TAB2: variants seen among roughly 807,000 people sequenced by gnomAD.
The protein encoded by TAB2 is TGF-beta activated kinase 1 (MAP3K7) binding protein 2.
TAB2 carries 3 observed loss-of-function variants against 65.0 expected under a neutral mutation model. The observed-to-expected ratio is 0.05, with a 90% confidence interval of 0.02 to 0.12. The LOEUF is 0.12. Ranked by LOEUF, TAB2 falls within the 10% of genes least tolerant of loss-of-function variation. The pLI is 1.00. For missense variants in TAB2, 623 were observed against 840.3 expected, an observed-to-expected ratio of 0.74 and a Z score of 3.20; for synonymous variants, 298 against 285.1, an observed-to-expected ratio of 1.05 and a Z score of -0.46.
At chr6:149,312,881 C>T (rs181885509), upstream of TAB2, among the ~76,000 whole-genome samples, 13 of 152,286 alleles carry the variant, frequency 8.5e-5, no homozygotes, top group Admixed American at 4.6e-4. Flanking sequence ...AAAATCTACT[C>T]TCTGATTTTC....
chr6:149,279,559 G>A (rs1343666457), intron 1 of TAB2, among the ~76,000 whole-genome samples: 8 of 152,102 alleles, frequency 5.3e-5, no homozygotes, highest in South Asian at 4.1e-4. Context: ...AGGTGCTCCC[G>A]GCATCTAGAG....
At chr6:149,366,979 A>T (rs1249691943) in intron 1 of TAB2, among the ~76,000 whole-genome samples, 1 of 151,414 alleles carries the variant, frequency 6.6e-6, no homozygotes, top group Non-Finnish European at 1.5e-5. Flanking sequence ...AATCTAGATC[A>T]TTTGAAATAT....
At chr6:149,357,415 C>A (rs1780689460) in intron 1 of TAB2, among the ~76,000 whole-genome samples, 1 of 56,246 alleles carries the variant, frequency 1.8e-5, no homozygotes. Context: ...GACTCCGTCT[C>A]AAGGAGAAAA....
chr6:149,318,055 A>C (rs1312736894), intron 1 of TAB2, 40 bp downstream of exon 1: 1 of 157,902 alleles, frequency 6.3e-6, no homozygotes, highest in Non-Finnish European at 1.4e-5. Flanking sequence ...GGGATCCCCA[A>C]CCTGGCTCTC....
rs576676693 is a variant in TAB2 at position 149,323,976 on chromosome 6, C to T, written c.-90+5961C>T. On this transcript the variant is annotated intron_variant, in intron 1 of 6. Coordinates refer to ENST00000637181, the MANE Select transcript of TAB2 (RefSeq NM_001292034.3). The stretch of plus-strand genomic sequence containing the variant: ...GTCTACTACAGGACAGAAATAATTC[C>T]TACAAGGTGTCAGTTTGAGTGGCTT... Among the ~76,000 whole-genome samples the T allele has an allele frequency of 6.6e-5, 10 of 152,016 alleles. No individual in the cohort carries two copies. In the East Asian group the frequency reaches 1.9e-3, roughly 29 times the overall value.
intron 1 of TAB2, among the ~76,000 whole-genome samples, chr6:149,310,300 G>A (rs1264199802): frequency 6.6e-6 from 1 of 152,130 alleles, no homozygotes; most frequent in East Asian, 1.9e-4. Context: ...TCATGCCACT[G>A]CACTCCAGCT....
intron 1 of TAB2, among the ~76,000 whole-genome samples, chr6:149,294,639 T>C (rs1414820079): frequency 2.6e-5 from 4 of 152,250 alleles, no homozygotes; most frequent in Admixed American, 6.5e-5. Context: ...CACGGTCATG[T>C]ATAGTTTTGT....
chr6:149,351,287 A>G (rs1780481849), intron 1 of TAB2, among the ~76,000 whole-genome samples: 1 of 152,126 alleles, frequency 6.6e-6, no homozygotes, highest in Non-Finnish European at 1.5e-5. Context: ...GAAGGCCTTA[A>G]AGGCTCAATC....
Position 149,333,851 on chromosome 6 carries a change from T to C in TAB2, c.-90+15836T>C, listed in dbSNP as rs147946059. On this transcript the variant is annotated intron_variant, in intron 1 of 6. Transcript: ENST00000637181. ...TCTGGTATTGTTGACACCAACATAG[T>C]AAGAATGTTTAAGTGCTTTGCATTA... Among the ~76,000 whole-genome samples, 391 of 152,152 alleles carry C rather than the reference T, an allele frequency of 2.6e-3. 1 individual carries two copies. Among genetic ancestry groups the C allele is most frequent in the Non-Finnish European group, 4.2e-3 (283 of 67,986 alleles).
Position 149,397,708 on chromosome 6 carries a change from A to G in TAB2, c.1708A>G (p.Asn570Asp), listed in dbSNP as rs776035989. ...AAAATCTGAGGTTAATGAAATGGAA[A>G]ATAATCTAACTCGAAGGCGCCTGAA... The part of the protein sequence containing the change: ...KLKSEVNEME[N>D]NLTRRRLKRS... The change falls in exon 4 of 7, where the codon AAT becomes GAT. Residue 570 changes from asparagine to aspartate, a missense_variant. Asn to Asp is a conservative substitution (Grantham distance 23). Around this residue, in one of 3 missense-constraint regions of TAB2, gnomAD observed 550 missense variants for 665.7 expected, o/e 0.83. Coordinates refer to ENST00000637181, the MANE Select transcript of TAB2 (RefSeq NM_001292034.3). The G allele has an allele frequency of 6.2e-7, 1 of 1,614,088 alleles. No homozygotes were observed. The highest frequency in any genetic ancestry group is 8.5e-7 in the Non-Finnish European group (1 of 1,180,012).
At chr6:149,321,164 G>A (rs1018231136) in intron 1 of TAB2, 12 of 152,228 alleles carry the variant, frequency 7.9e-5, no homozygotes, top group African/African-American at 2.4e-4. Context: ...CCTTTTCATA[G>A]GTTCTGACAC....
At chr6:149,337,510 ATTTG>A (rs1779970382) in intron 1 of TAB2, among the ~76,000 whole-genome samples, 1 of 152,082 alleles carries the variant, frequency 6.6e-6, no homozygotes, top group Non-Finnish European at 1.5e-5. Context: ...AATTTTGTTC[ATTTG>A]TTTGTTTTGT....
chr6:149,326,571 G>A (rs988563791), intron 1 of TAB2, among the ~76,000 whole-genome samples: 8 of 150,822 alleles, frequency 5.3e-5, no homozygotes, highest in Admixed American at 6.6e-5. Flanking sequence ...TTTTTGAGAC[G>A]GGGTCTTGCT....
exon 1 of TAB2, chr6:149,218,672 G>A (rs1424681212): frequency 6.6e-5 from 29 of 442,654 alleles, no homozygotes; most frequent in Non-Finnish European, 1.3e-4. Flanking sequence ...GCCACAGGCT[G>A]TAAAGATCTA....
chr6:149,318,488 G>A (rs1481779246), intron 1 of TAB2: 1 of 151,494 alleles, frequency 6.6e-6, no homozygotes, highest in East Asian at 1.9e-4. Flanking sequence ...GGACAGACAC[G>A]GGGCAGTTAT....
At chr6:149,329,191 C>T (rs1257954730) in intron 1 of TAB2, among the ~76,000 whole-genome samples, 1 of 152,170 alleles carries the variant, frequency 6.6e-6, no homozygotes, top group South Asian at 2.1e-4. Context: ...GAAAGATTCT[C>T]TTGTTGTAGT....
intron 1 of TAB2, among the ~76,000 whole-genome samples, chr6:149,366,966 T>TC (rs985968653): frequency 1.3e-5 from 2 of 151,870 alleles, no homozygotes; most frequent in Non-Finnish European, 2.9e-5. Context: ...TTTTTTTTTT[T>TC]CAAATCTAGA....
At chr6:149,329,867 A>G (rs1232401678) in intron 1 of TAB2, among the ~76,000 whole-genome samples, 2 of 152,138 alleles carry the variant, frequency 1.3e-5, no homozygotes, top group Non-Finnish European at 2.9e-5. Flanking sequence ...TGACATTTGT[A>G]TGTGTGTGGT....
chr6:149,389,267 C>G lies in TAB2; in HGVS notation c.1604-8337C>G, dbSNP rs531825455. Among the ~76,000 whole-genome samples, 7 of 152,036 alleles carry G rather than the reference C, an allele frequency of 4.6e-5. No homozygotes were observed. The South Asian group carries it at 1.5e-3, about 32-fold the overall frequency. Reference sequence around the variant, plus strand: ...CTGCACCCAGCCCCAGAAATCTTACCGTTATTTTCTCTTTAGTATTACCTT... The same window carrying G: ...CTGCACCCAGCCCCAGAAATCTTACGGTTATTTTCTCTTTAGTATTACCTT... On this transcript the variant is annotated intron_variant, in intron 3 of 6. Transcript: ENST00000637181.
Sources: gnomAD v4.1 joint callset for allele counts (sites outside exome capture counted in the v4.1 genomes callset) on GRCh38, gnomAD v4.1.1 for gene constraint, gnomAD v4.1.1 regional missense constraint, MANE v1.5 for transcripts, NCBI Gene and HGNC (gene_info 2026-07-23, HGNC 2026-07-21) for gene names.